COL21A1: variants seen among roughly 807,000 people sequenced by gnomAD.
COL21A1 encodes the protein collagen type XXI alpha 1 chain, also known as collagen alpha-1(XXI) chain.
In COL21A1, 149 loss-of-function variants were observed where a neutral mutation model predicts 137.9. The observed-to-expected ratio is 1.08, with a 90% CI of 0.95 to 1.24. The LOEUF is 1.24. Ranked by LOEUF, COL21A1 falls within the 50% of genes most tolerant of loss-of-function variation. COL21A1 has a pLI of 0.00. For missense variants in COL21A1, 1,167 were observed against 1,158.4 expected, an observed-to-expected ratio of 1.01 and a Z score of -0.11; for synonymous variants, 456 against 391.5, an observed-to-expected ratio of 1.16 and a Z score of -1.95.
chr6:56,172,546 A>C (rs990262239), intron 3 of COL21A1, among the ~76,000 whole-genome samples: 2 of 152,210 alleles, frequency 1.3e-5, no homozygotes, highest in African/African-American at 2.4e-5. Flanking sequence ...CTTCAAGATC[A>C]AACAGAAGTA....
chr6:56,229,765 G>T (rs1925146), intron 1 of COL21A1, among the ~76,000 whole-genome samples: 1 of 151,764 alleles, frequency 6.6e-6, no homozygotes, highest in South Asian at 2.1e-4. Flanking sequence ...CACTCAGCTC[G>T]TTGGCCATGA....
chr6:56,275,681 T>TCA (rs1227503945), intron 1 of COL21A1, among the ~76,000 whole-genome samples: 1 of 152,024 alleles, frequency 6.6e-6, no homozygotes, highest in Non-Finnish European at 1.5e-5. Flanking sequence ...AGATACCATC[T>TCA]CACACCAGTC....
chr6:56,191,591 C>CA (rs70986783), intron 1 of COL21A1, among the ~76,000 whole-genome samples: 3,388 of 121,148 alleles, frequency 0.028, 149 homozygotes, highest in African/African-American at 0.074. Context: ...GACTCTATCT[C>CA]AAAAAAAAAA....
At chr6:56,339,043 G>A (rs934195117) in intron 1 of COL21A1, among the ~76,000 whole-genome samples, 6 of 152,154 alleles carry the variant, frequency 3.9e-5, no homozygotes, top group Admixed American at 1.3e-4. Context: ...TAGCATGTAT[G>A]AAGCATAGCA....
intron 20 of COL21A1, 149 bp downstream of exon 20, chr6:56,074,083 C>A: frequency 1.8e-6 from 1 of 544,908 alleles, no homozygotes; most frequent in Non-Finnish European, 3.1e-6. Context: ...TGAGCCTTTC[C>A]AGATTTAATT....
chr6:56,242,914 G>T (rs935837263), intron 1 of COL21A1, among the ~76,000 whole-genome samples: 8 of 152,106 alleles, frequency 5.3e-5, no homozygotes, highest in African/African-American at 1.9e-4. Flanking sequence ...GTTGGATTGT[G>T]CGTCTCTTTG....
chr6:56,171,433 C>T, intron 3 of COL21A1, among the ~76,000 whole-genome samples: 1 of 151,544 alleles, frequency 6.6e-6, no homozygotes, highest in South Asian at 2.1e-4. Flanking sequence ...GAGACAATAG[C>T]AATATGAGAC....
At chr6:56,129,320 C>G (rs1773303128) in intron 12 of COL21A1, among the ~76,000 whole-genome samples, 1 of 151,990 alleles carries the variant, frequency 6.6e-6, no homozygotes, top group East Asian at 1.9e-4. Context: ...GATTCAGCTT[C>G]CCAGTATCCT....
chr6:56,179,722 A>G lies in COL21A1; in HGVS notation c.496T>C (p.Phe166Leu), dbSNP rs1777753738. The change falls in exon 3 of 30, where the codon TTT becomes CTT. Residue 166 changes from phenylalanine to leucine, a missense_variant. By Grantham distance (22) the Phe-to-Leu change is conservative. Coordinates refer to ENST00000244728, the MANE Select transcript of COL21A1 (RefSeq NM_030820.4). ...GTTTCTGAACCAACACCAATAGCAA[A>G]TAATGTTATCTTACTATCTCTTGCT... The part of the protein sequence containing the change: ...QAARDSKITL[F>L]AIGVGSETED... The G allele has an allele frequency of 1.2e-6, 2 of 1,613,870 alleles. No individual in the cohort carries two copies. The highest frequency in any genetic ancestry group is 1.7e-6 in the Non-Finnish European group (2 of 1,179,888).
At chr6:56,373,224 A>G (rs1562076433) in intron 1 of COL21A1, among the ~76,000 whole-genome samples, 1 of 152,210 alleles carries the variant, frequency 6.6e-6, no homozygotes, top group Non-Finnish European at 1.5e-5. Context: ...CCAGTTGGTG[A>G]ACATAGTACC....
At chr6:56,382,076 G>A (rs762917478) in intron 1 of COL21A1, among the ~76,000 whole-genome samples, 7 of 152,166 alleles carry the variant, frequency 4.6e-5, no homozygotes, top group Non-Finnish European at 8.8e-5. Flanking sequence ...ACAAGGGTTC[G>A]ATTTTACCAC....
At chr6:56,330,665 T>TCA (rs1446469585) in intron 1 of COL21A1, among the ~76,000 whole-genome samples, 1 of 152,038 alleles carries the variant, frequency 6.6e-6, no homozygotes, top group Non-Finnish European at 1.5e-5. Flanking sequence ...TCCCACCCAC[T>TCA]CACAGTTTGG....
At chr6:56,150,733 T>C (rs1319380178) in intron 10 of COL21A1, among the ~76,000 whole-genome samples, 1 of 151,780 alleles carries the variant, frequency 6.6e-6, no homozygotes, top group Non-Finnish European at 1.5e-5. Context: ...TTAGCCAATA[T>C]GATGGTCTTC....
chr6:56,355,523 A>C (rs1262624529), intron 1 of COL21A1, among the ~76,000 whole-genome samples: 3 of 152,208 alleles, frequency 2.0e-5, no homozygotes, highest in African/African-American at 7.2e-5. Context: ...CCTCCAAAAA[A>C]CCTGTAAATT....
intron 1 of COL21A1, among the ~76,000 whole-genome samples, chr6:56,269,607 A>T (rs1322489575): frequency 1.4e-5 from 2 of 147,106 alleles, no homozygotes; most frequent in African/African-American, 5.1e-5. Context: ...GTGAGCCAAG[A>T]TCCCGCCACT....
At position 56,276,831 on chromosome 6, in the gene COL21A1, CAG is replaced by C. The variant is rs1404400506; in HGVS notation, c.-38-94177_-38-94176del. The C allele has an allele frequency of 5.4e-6, 4 of 735,364 alleles. No homozygotes were observed. The African/African-American group carries it at 7.2e-5, about 13-fold the overall frequency. 45.6% of individuals were successfully genotyped at this position (735,364 alleles called of 1,614,324 possible). A position where few individuals can be genotyped will look rare whatever the true frequency, so the allele number is the denominator to read the frequency against. ...TGTTTTTTTTGTTTTTTTTTTGAGA[CAG>C]AGTCTCGCTCTGTCGCCCAGGCTGG... On this transcript the variant is annotated intron_variant, in intron 1 of 28. Coordinates refer to the COL21A1 transcript ENST00000370819.
intron 17 of COL21A1, among the ~76,000 whole-genome samples, chr6:56,097,694 A>G (rs1769476313): frequency 6.9e-6 from 1 of 144,358 alleles, no homozygotes; most frequent in Non-Finnish European, 1.5e-5. Flanking sequence ...GATAAAACTG[A>G]GAAACAAGCA....
intron 1 of COL21A1, among the ~76,000 whole-genome samples, chr6:56,218,426 C>T (rs542663705): frequency 2.0e-5 from 3 of 152,124 alleles, no homozygotes; most frequent in Admixed American, 6.6e-5. Context: ...AGTAAAATCA[C>T]CATATGGCTT....
chr6:56,101,377 A>T, intron 17 of COL21A1, 95 bp downstream of exon 17: 1 of 892,860 alleles, frequency 1.1e-6, no homozygotes, highest in Non-Finnish European at 1.8e-6. Context: ...TGAACAAATA[A>T]TAGGGCATCT....
Sources: allele counts gnomAD v4.1 joint callset (sites outside exome capture counted in the v4.1 genomes callset), GRCh38; gene constraint gnomAD v4.1.1; transcripts MANE v1.5; gene names NCBI Gene and HGNC (gene_info 2026-07-23, HGNC 2026-07-21).